DLGAP3: variants seen among roughly 807,000 people sequenced by gnomAD.
DLGAP3 encodes the protein DLG associated protein 3.
DLGAP3 carries 17 observed loss-of-function variants against 81.2 expected under a neutral mutation model. That is an observed-to-expected ratio of 0.21 (90% CI 0.14 to 0.31). The LOEUF is 0.31. Ranked by LOEUF, DLGAP3 falls within the 10% of genes least tolerant of loss-of-function variation. DLGAP3 has a pLI of 1.00. For missense variants in DLGAP3, 1,124 were observed against 1,388.0 expected (o/e 0.81, Z 3.02); for synonymous variants, 577 against 587.4 (o/e 0.98, Z 0.26).
At position 34,865,979 on chromosome 1, in the gene DLGAP3, G is replaced by C; in HGVS notation, c.*104C>G. The C allele has an allele frequency of 9.9e-7, 1 of 1,012,308 alleles. No homozygotes were observed. Among genetic ancestry groups the C allele is most frequent in the South Asian group, 1.4e-5 (1 of 69,798 alleles). 62.7% of individuals were successfully genotyped at this position (1,012,308 alleles called of 1,614,324 possible). ...GGGGCCGGGGCGTCCGGTGCCGGTG[G>C]GGCGGGCGCACGGGGCGGCCCGCGT... On this transcript the variant is annotated 3_prime_UTR_variant, in exon 12 of 12. Coordinates refer to ENST00000373347, the MANE Select transcript of DLGAP3 (RefSeq NM_001080418.3).
At position 34,904,491 on chromosome 1, in the gene DLGAP3, T is replaced by C. The variant is rs1302048226; in HGVS notation, c.893A>G (p.Asp298Gly). ...GCCCGAGCGCCCCTTGAAGCTCAAG[T>C]CCCGGTAGGACCCATCTGGACCCTC... ...CLEGPDGSYRDLSFKGRSGGS... is the reference protein window; with the variant it reads ...CLEGPDGSYRGLSFKGRSGGS... Residue 298 changes from aspartate (D) to glycine (G), a missense_variant, in exon 3 of 12, where the codon GAC becomes GGC. By Grantham distance (94) the Asp-to-Gly change is moderately conservative (BLOSUM62 -1). Around this residue, in one of 9 missense-constraint regions of DLGAP3, gnomAD observed 357 missense variants for 408.8 expected, o/e 0.87. Transcript: ENST00000373347. The surrounding 1 kb of genome is among the most constrained non-coding windows in gnomAD (Gnocchi z 8.1). The C allele has an allele frequency of 1.2e-5, 20 of 1,614,012 alleles. No individual in the cohort carries two copies. The highest frequency in any genetic ancestry group is 1.6e-5 in the Non-Finnish European group (19 of 1,180,028).
intron 7 of DLGAP3, 143 bp downstream of exon 7, chr1:34,885,335 T>C (rs1639203630): frequency 1.0e-6 from 1 of 959,164 alleles, no homozygotes; most frequent in East Asian, 2.6e-5. Flanking sequence ...AGCAGCCCCG[T>C]CGATGTCCAG....
intron 5 of DLGAP3, among the ~76,000 whole-genome samples, chr1:34,898,765 T>C (rs1327055364): frequency 1.3e-5 from 2 of 152,214 alleles, no homozygotes; most frequent in Admixed American, 6.5e-5. Flanking sequence ...CCCCATCTCA[T>C]GTGTTTAATC....
At chr1:34,908,116 C>T (rs1375902837) in intron 1 of DLGAP3, among the ~76,000 whole-genome samples, 1 of 152,250 alleles carries the variant, frequency 6.6e-6, no homozygotes, top group Non-Finnish European at 1.5e-5. Context: ...TATCTCCTCA[C>T]CTAGAATGTG....
At chr1:34,899,548 TC>T in intron 5 of DLGAP3, 120 bp downstream of exon 5, 1 of 913,068 alleles carries the variant, frequency 1.1e-6, no homozygotes, top group South Asian at 1.3e-5. Flanking sequence ...TTTCCCAGTT[TC>T]CCCAGAGCCA....
At chr1:34,866,467 G>C (rs907218286) in intron 11 of DLGAP3, among the ~76,000 whole-genome samples, 166 bp from the exon 12 acceptor site, 3 of 152,168 alleles carry the variant, frequency 2.0e-5, no homozygotes, top group Non-Finnish European at 4.4e-5. Context: ...AGGTGCTCCT[G>C]TTCCGACAAG....
Position 34,895,917 on chromosome 1 carries a change from TACACACACACACACACACAC to T in DLGAP3, c.1386+3732_1386+3751del, listed in dbSNP as rs34456104. On this transcript the variant is annotated intron_variant, in intron 5 of 11. Transcript: ENST00000373347. This position sits in a 1 kb window ranked among gnomAD's most constrained non-coding sequence, Gnocchi z 4.5. ...CTGGACCCCTAACTTGAATCACACA[TACACACACACACACACACAC>T]ACACACACACACACACACTACTCAA... 1.4e-5 allele frequency among the ~76,000 whole-genome samples: 2 copies of T among 144,476 alleles called. No homozygotes were observed. The highest frequency in any genetic ancestry group is 5.2e-5 in the African/African-American group (2 of 38,132). 94.8% of individuals were successfully genotyped at this position (144,476 alleles called of 152,430 possible). A position where few individuals can be genotyped will look rare whatever the true frequency, so the allele number is the denominator to read the frequency against.
intron 5 of DLGAP3, among the ~76,000 whole-genome samples, chr1:34,893,275 T>C (rs1001383526): frequency 8.5e-5 from 13 of 152,082 alleles, no homozygotes; most frequent in Admixed American, 6.5e-5. Flanking sequence ...AGGAATTTTA[T>C]ATCCAGCAAA....
intron 7 of DLGAP3, 43 bp from the exon 8 acceptor site, chr1:34,885,106 G>A (rs1639198360): frequency 1.9e-6 from 3 of 1,564,438 alleles, no homozygotes; most frequent in South Asian, 1.1e-5. Context: ...GCGAGCCAAG[G>A]TGAAAGCCCT....
intron 1 of DLGAP3, among the ~76,000 whole-genome samples, chr1:34,908,402 C>G (rs867496147): frequency 6.6e-6 from 1 of 152,228 alleles, no homozygotes; most frequent in Admixed American, 6.5e-5. Flanking sequence ...AGGAAAAGAA[C>G]CTACCCAGTG....
intron 8 of DLGAP3, among the ~76,000 whole-genome samples, chr1:34,875,618 T>C (rs1426974514): frequency 6.6e-6 from 1 of 152,098 alleles, no homozygotes; most frequent in Non-Finnish European, 1.5e-5. Flanking sequence ...TTAGAAAGAG[T>C]TGGAGGCAAA....
chr1:34,907,962 C>T (rs1344689626), intron 1 of DLGAP3, among the ~76,000 whole-genome samples: 1 of 152,244 alleles, frequency 6.6e-6, no homozygotes, highest in Non-Finnish European at 1.5e-5. Context: ...CTGGCTAAAA[C>T]TTACTCATAT....
chr1:34,893,197 A>C (rs1301280841), intron 5 of DLGAP3, among the ~76,000 whole-genome samples: 1 of 151,858 alleles, frequency 6.6e-6, no homozygotes, highest in Admixed American at 6.6e-5. Flanking sequence ...AAAAAAAAAA[A>C]AACAATGAAC....
At position 34,904,431 on chromosome 1, in the gene DLGAP3, A is replaced by G. The variant is rs767000218; in HGVS notation, c.953T>C (p.Met318Thr). ...SEGRCLACTG[M>T]SMSLDGQSVK... is the part of the protein sequence containing the mutation. ...CGACTGTCCATCCAGTGACATGGAC[A>G]TGCCAGTGCAGGCAAGGCAGCGGCC... The change falls in exon 3 of 12, where the codon ATG (methionine) becomes ACG (threonine). Residue 318 changes from methionine (M) to threonine (T), a missense_variant. Coordinates refer to ENST00000373347, the MANE Select transcript of DLGAP3 (RefSeq NM_001080418.3). The surrounding 1 kb of genome is among the most constrained non-coding windows in gnomAD (Gnocchi z 8.1). 9.9e-6 allele frequency: 16 copies of G among 1,614,152 alleles called. No individual in the cohort carries two copies. The highest frequency in any genetic ancestry group is 1.4e-5 in the Non-Finnish European group (16 of 1,180,044).
At chr1:34,886,846 T>G (rs1328901800) in intron 5 of DLGAP3, among the ~76,000 whole-genome samples, 4 of 150,016 alleles carry the variant, frequency 2.7e-5, no homozygotes, top group South Asian at 2.1e-4. Flanking sequence ...ATATATGCTA[T>G]ATATATATAA....
chr1:34,908,373 C>T (rs1486539542), intron 1 of DLGAP3, among the ~76,000 whole-genome samples: 1 of 152,148 alleles, frequency 6.6e-6, no homozygotes, highest in East Asian at 1.9e-4. Flanking sequence ...GTCTGTGTGT[C>T]CCATACACAT....
intron 8 of DLGAP3, among the ~76,000 whole-genome samples, chr1:34,870,723 G>A (rs952639275): frequency 2.0e-5 from 3 of 152,132 alleles, no homozygotes; most frequent in African/African-American, 4.8e-5. Flanking sequence ...CTCAGTGTCT[G>A]CCCTGTCCTG....
chr1:34,884,646 T>C (rs560128957), intron 8 of DLGAP3, among the ~76,000 whole-genome samples: 13 of 152,266 alleles, frequency 8.5e-5, no homozygotes, highest in Non-Finnish European at 1.3e-4. Flanking sequence ...GCAGATCCTA[T>C]CATCCCCTGG....
At chr1:34,881,261 T>C (rs1639138895) in intron 8 of DLGAP3, among the ~76,000 whole-genome samples, 1 of 152,208 alleles carries the variant, frequency 6.6e-6, no homozygotes, top group Admixed American at 6.5e-5. Flanking sequence ...CACATAGCTA[T>C]TCTTTGTCTT....
Sources: gnomAD v4.1 joint callset for allele counts (sites outside exome capture counted in the v4.1 genomes callset) on GRCh38, gnomAD v4.1.1 for gene constraint, gnomAD v4.1.1 regional missense constraint, Gnocchi (gnomAD v3.1) non-coding constraint, MANE v1.5 for transcripts, NCBI Gene and HGNC (gene_info 2026-07-23, HGNC 2026-07-21) for gene names.